UGT1A5: variants seen among roughly 807,000 people sequenced by gnomAD.
The protein encoded by UGT1A5 is UDP-glucuronosyltransferase 1A5.
Under a neutral mutation model 40.3 loss-of-function variants are expected in UGT1A5, and 29 were observed. The ratio of observed to expected loss-of-function variants is 0.72; its 90% CI spans 0.54 to 0.98. UGT1A5 has a LOEUF of 0.98. UGT1A5 is among the 50% of genes least tolerant of loss of function. The pLI is 0.00. For missense variants in UGT1A5, 678 were observed against 677.9 expected (o/e 1.00, Z 0.00); for synonymous variants, 257 against 262.5 (o/e 0.98, Z 0.20).
At chr2:233,724,343 C>A (rs2077229660) in intron 1 of UGT1A5, among the ~76,000 whole-genome samples, 1 of 142,888 alleles carries the variant, frequency 7.0e-6, no homozygotes, top group Admixed American at 6.9e-5. Context: ...GGGGCTGACC[C>A]CCCCCACCTC....
chr2:233,743,528 A>G (rs1026990918), intron 1 of UGT1A5: 10 of 1,367,274 alleles, frequency 7.3e-6, no homozygotes, highest in East Asian at 9.1e-5. Flanking sequence ...CTGCTTCCCC[A>G]GCAGTTCCTC....
rs3892170 is a variant in UGT1A5 at position 233,713,766 on chromosome 2, G to C, written c.775G>C (p.Gly259Arg). ...VSHASVWLFRGDFVMDYPRPI... is the reference protein window; with the variant it reads ...VSHASVWLFRRDFVMDYPRPI... ...CCATGCATCTGTGTGGCTGTTCCGA[G>C]GGGACTTTGTGATGGATTACCCCAG... is the stretch of plus-strand genomic sequence containing the variant. The change falls in exon 1 of 5, where the codon GGG (glycine) becomes CGG (arginine). Residue 259 changes from glycine to arginine, a missense_variant. Transcript: ENST00000373414. The C allele has an allele frequency of 0.091, 144,162 of 1,587,116 alleles. 8,641 individuals are homozygous for C. Among genetic ancestry groups the C allele is most frequent in the South Asian group, 0.18 (15,878 of 87,328 alleles).
rs192933567 is a variant in UGT1A5, at chr2:233,772,247, T to G, written c.1308-15T>G. On this transcript the variant is annotated splice_polypyrimidine_tract_variant and intron_variant, in intron 4 of 4. Transcript: ENST00000373414. ...ACAGGTGTTCCAGGCATAACGAAAC[T>G]GTCTTTGTGTTTAGTTACAAGGAGA... The G allele has an allele frequency of 2.9e-5, 47 of 1,614,208 alleles. No homozygotes were observed. The East Asian group carries it at 1.0e-3, about 35-fold the overall frequency.
chr2:233,760,659 G>T (rs757137518), intron 1 of UGT1A5: 3 of 1,614,230 alleles, frequency 1.9e-6, no homozygotes, highest in Non-Finnish European at 1.7e-6. Context: ...CTATGCTTTT[G>T]TCTGGCTGTT....
At chr2:233,760,137 C>G (rs1317655516) in intron 1 of UGT1A5, 2 of 1,403,084 alleles carry the variant, frequency 1.4e-6, no homozygotes, top group Non-Finnish European at 1.9e-6. Context: ...TTCTTTATCT[C>G]TGAAAGTGAA....
chr2:233,714,426 AAC>A (rs1430757538), intron 1 of UGT1A5, among the ~76,000 whole-genome samples: 5 of 152,176 alleles, frequency 3.3e-5, no homozygotes, highest in Non-Finnish European at 5.9e-5. Flanking sequence ...CAGAGAATGA[AAC>A]ACAGAGTTCA....
At chr2:233,752,688 T>G (rs143415003) in intron 1 of UGT1A5, 1 of 152,282 alleles carries the variant, frequency 6.6e-6, no homozygotes, top group Non-Finnish European at 1.5e-5. Flanking sequence ...GAAATTCATG[T>G]TTACTAGTGG....
At chr2:233,755,143 C>T (rs1695780518) in intron 1 of UGT1A5, 3 of 1,305,190 alleles carry the variant, frequency 2.3e-6, no homozygotes, top group Non-Finnish European at 3.1e-6. Context: ...AATCTTCTCA[C>T]CGCTTCCTCC....
At position 233,768,257 on chromosome 2, in the gene UGT1A5, T is replaced by C. The variant is rs139698110; in HGVS notation, c.1125T>C (p.Gly375=). ...CCCGTGCCTTTATCACCCATGCTGG[T>C]TCCCATGGTGTTTATGAAAGCATAT... ...PMTRAFITHA[G]SHGVYESICN... is the part of the protein sequence containing the mutation. The change falls in exon 4 of 5, where the codon GGT becomes GGC. Residue 375 remains glycine, a synonymous_variant. Transcript: ENST00000373414. 1.8e-3 allele frequency: 2,975 copies of C among 1,614,198 alleles called. 7 individuals are homozygous for C. Among genetic ancestry groups the C allele is most frequent in the Non-Finnish European group, 2.4e-3 (2,868 of 1,180,032 alleles).
intron 1 of UGT1A5, among the ~76,000 whole-genome samples, chr2:233,740,284 G>A (rs932768125): frequency 2.0e-5 from 3 of 151,852 alleles, no homozygotes; most frequent in African/African-American, 7.3e-5. Flanking sequence ...ATACTGAAAG[G>A]GTTTAAAGGA....
chr2:233,727,332 T>C (rs2077605990), intron 1 of UGT1A5, among the ~76,000 whole-genome samples: 1 of 152,122 alleles, frequency 6.6e-6, no homozygotes, highest in South Asian at 2.1e-4. Flanking sequence ...CAGGAGCTCC[T>C]CCCTCCCCAT....
intron 3 of UGT1A5, 52 bp downstream of exon 3, chr2:233,767,988 A>T: frequency 3.1e-6 from 5 of 1,614,160 alleles, no homozygotes; most frequent in Non-Finnish European, 3.4e-6. Context: ...AATTAAGAAA[A>T]TGGCTTAAGC....
Position 233,757,535 on chromosome 2 carries a change from A to AATATATATATATATAT in UGT1A5, c.868-9488_868-9473dup, listed in dbSNP as rs67292694. On this transcript the variant is annotated intron_variant, in intron 1 of 4. Coordinates refer to ENST00000373414, the MANE Select transcript of UGT1A5 (RefSeq NM_019078.2). Reference sequence around the variant, plus strand: ...CAAAGCCAAAATCTTGCCTGTAAGGAATATATATATATATATATATATATA... The same window carrying AATATATATATATATAT: ...CAAAGCCAAAATCTTGCCTGTAAGGAATATATATATATATATATATATATATATATATATATATATA... 5.8e-3 allele frequency among the ~76,000 whole-genome samples: 508 copies of AATATATATATATATAT among 88,168 alleles called. 6 individuals are homozygous for AATATATATATATATAT. The highest frequency in any genetic ancestry group is 0.021 in the Admixed American group (195 of 9,086). 57.8% of individuals were successfully genotyped at this position (88,168 alleles called of 152,430 possible).
At chr2:233,759,276 T>C (rs943055975) in intron 1 of UGT1A5, among the ~76,000 whole-genome samples, 1 of 152,134 alleles carries the variant, frequency 6.6e-6, no homozygotes, top group African/African-American at 2.4e-5. Context: ...TGCATTCTGA[T>C]TGGTTGATGA....
rs573640732 is a variant in UGT1A5, at chr2:233,742,006, C to A, written c.868-25028C>A. On this transcript the variant is annotated intron_variant, in intron 1 of 4. Coordinates refer to ENST00000373414, the MANE Select transcript of UGT1A5 (RefSeq NM_019078.2). The stretch of plus-strand genomic sequence containing the variant: ...CAAAAAATATTACAGATACACTTGG[C>A]TTTCATCAACCTAATTTGATATGTC... 5 of 152,014 alleles carry A rather than the reference C, an allele frequency of 3.3e-5. No individual in the cohort carries two copies. The South Asian group carries it at 8.3e-4, about 25-fold the overall frequency. 9.4% of individuals were successfully genotyped at this position (152,014 alleles called of 1,614,324 possible).
chr2:233,750,785 G>A (rs1694560373), intron 1 of UGT1A5: 1 of 151,946 alleles, frequency 6.6e-6, no homozygotes. Context: ...TGGGTACACA[G>A]AAGATAAGAA....
At chr2:233,728,309 T>C (rs1025928901) in intron 1 of UGT1A5, among the ~76,000 whole-genome samples, 4 of 152,178 alleles carry the variant, frequency 2.6e-5, no homozygotes, top group African/African-American at 9.6e-5. Flanking sequence ...CTGTGCAAGA[T>C]CTGAGGCCAG....
intron 1 of UGT1A5, among the ~76,000 whole-genome samples, chr2:233,759,775 C>T (rs756322145): frequency 1.3e-5 from 2 of 152,048 alleles, no homozygotes; most frequent in African/African-American, 4.8e-5. Context: ...TATTGTTGGA[C>T]GAAGGAATGA....
chr2:233,719,465 C>T, intron 1 of UGT1A5: 3 of 1,613,994 alleles, frequency 1.9e-6, no homozygotes, highest in Non-Finnish European at 2.5e-6. Flanking sequence ...AGAACATGCT[C>T]TACCCTCTGG....
Sources: gnomAD v4.1 joint callset for allele counts (sites outside exome capture counted in the v4.1 genomes callset) on GRCh38, gnomAD v4.1.1 for gene constraint, MANE v1.5 for transcripts, NCBI Gene and HGNC (gene_info 2026-07-23, HGNC 2026-07-21) for gene names.